SHQ1: variants seen among roughly 807,000 people sequenced by gnomAD.
SHQ1 encodes the protein protein SHQ1 homolog.
A neutral mutation model predicts 53.8 loss-of-function variants in SHQ1; 49 were observed. That is an observed-to-expected ratio of 0.91 (90% CI 0.72 to 1.16). The LOEUF is 1.16. Among genes scored for constraint, SHQ1 ranks in the 50% most tolerant of loss-of-function variants. SHQ1 has a pLI of 0.00. For missense variants in SHQ1, 738 were observed against 683.1 expected (o/e 1.08, Z -0.90); for synonymous variants, 243 against 251.0 (o/e 0.97, Z 0.30).
the SHQ1 span, among the ~76,000 whole-genome samples, chr3:72,726,770 G>A: frequency 1.3e-5 from 2 of 152,144 alleles, no homozygotes; most frequent in African/African-American, 4.8e-5. Context: ...GGATGATTGA[G>A]GGCTTTCTCT....
intron 10 of SHQ1, among the ~76,000 whole-genome samples, chr3:72,762,011 T>C (rs1415044008): frequency 6.6e-6 from 1 of 152,094 alleles, no homozygotes; most frequent in African/African-American, 2.4e-5. Flanking sequence ...GGAGACAGGC[T>C]CTAGCTCCAG....
chr3:72,765,555 A>ATT (rs1171352955), intron 10 of SHQ1, among the ~76,000 whole-genome samples: 25 of 71,724 alleles, frequency 3.5e-4, no homozygotes, highest in African/African-American at 1.4e-3. Flanking sequence ...ATATATATAT[A>ATT]TATTTTTTTT....
downstream of SHQ1, among the ~76,000 whole-genome samples, chr3:72,748,329 C>CAAAAAAAAAAAAAAAAAAAAAAA (rs572927520): frequency 4.1e-4 from 24 of 58,790 alleles, 1 homozygote; most frequent in East Asian, 1.3e-3. Flanking sequence ...ATGAGGCATG[C>CAAAAAAAAAAAAAAAAAAAAAAA]AAAAAAAAAA....
chr3:72,755,266 AGATGGATAGATGGATGGATGGATGGATG>A (rs1475164099), intron 10 of SHQ1, among the ~76,000 whole-genome samples: 1 of 150,130 alleles, frequency 6.7e-6, no homozygotes, highest in African/African-American at 2.5e-5. Flanking sequence ...ATGGATGGAT[AGATGGATAGATGGATGGATGGATGGATG>A]GATGGATAGA....
chr3:72,824,055 C>A (rs1201551791), intron 6 of SHQ1, among the ~76,000 whole-genome samples: 1 of 152,162 alleles, frequency 6.6e-6, no homozygotes, highest in Non-Finnish European at 1.5e-5. Context: ...CCGCCCGTTA[C>A]TAATACTCAA....
intron 1 of SHQ1, 108 bp downstream of exon 1, chr3:72,848,090 G>A (rs1369912454): frequency 5.0e-6 from 7 of 1,387,668 alleles, no homozygotes; most frequent in African/African-American, 2.9e-5. Flanking sequence ...GAAACGTCGG[G>A]AAAAGGCATT....
At chr3:72,787,300 T>C (rs1374777575) in intron 10 of SHQ1, among the ~76,000 whole-genome samples, 1 of 152,238 alleles carries the variant, frequency 6.6e-6, no homozygotes, top group African/African-American at 2.4e-5. Flanking sequence ...TCCCCAGAAC[T>C]ACCTACTTAA....
At chr3:72,729,633 T>C in the SHQ1 span, among the ~76,000 whole-genome samples, 1 of 152,342 alleles carries the variant, frequency 6.6e-6, no homozygotes, top group Admixed American at 6.5e-5. Context: ...CATTAAAATC[T>C]TATTACATCT....
intron 8 of SHQ1, among the ~76,000 whole-genome samples, chr3:72,813,142 T>C (rs2106860042): frequency 6.6e-6 from 1 of 152,308 alleles, no homozygotes. Flanking sequence ...TTTCATGTTT[T>C]TGTCAGCTAA....
intron 10 of SHQ1, chr3:72,772,987 G>A: frequency 8.6e-7 from 1 of 1,166,212 alleles, no homozygotes; most frequent in Non-Finnish European, 1.3e-6. Flanking sequence ...AGATGAAGAA[G>A]ATACTCAAAG....
At chr3:72,732,280 G>C in the SHQ1 span, among the ~76,000 whole-genome samples, 1 of 151,006 alleles carries the variant, frequency 6.6e-6, no homozygotes, top group African/African-American at 2.4e-5. Flanking sequence ...CATTGTTTGA[G>C]ACTCAGCACC....
intron 9 of SHQ1, among the ~76,000 whole-genome samples, chr3:72,797,237 G>A (rs956291892): frequency 2.0e-5 from 3 of 152,084 alleles, no homozygotes; most frequent in African/African-American, 7.2e-5. Flanking sequence ...AAGCCTGCAC[G>A]ACTTGAGAGC....
At chr3:72,809,971 A>T (rs1707068190) in intron 9 of SHQ1, 1 of 151,714 alleles carries the variant, frequency 6.6e-6, no homozygotes. Flanking sequence ...AGGAAAAAAA[A>T]AAAAAAAGAA....
chr3:72,760,162 G>A (rs960507842), intron 10 of SHQ1, among the ~76,000 whole-genome samples: 3 of 152,112 alleles, frequency 2.0e-5, no homozygotes, highest in African/African-American at 7.2e-5. Flanking sequence ...CAATGTTTTC[G>A]TGAAATCCTT....
intron 4 of SHQ1, among the ~76,000 whole-genome samples, chr3:72,837,928 T>C (rs1246753394): frequency 6.6e-6 from 1 of 151,464 alleles, no homozygotes; most frequent in African/African-American, 2.4e-5. Context: ...AGGATACATT[T>C]CAATTTTTGG....
the SHQ1 span, among the ~76,000 whole-genome samples, chr3:72,734,488 T>C: frequency 6.6e-6 from 1 of 151,330 alleles, no homozygotes; most frequent in Admixed American, 6.6e-5. Context: ...TTTCCTGACC[T>C]GAAGTGATCC....
the SHQ1 span, among the ~76,000 whole-genome samples, chr3:72,738,106 G>A: frequency 6.6e-6 from 1 of 151,930 alleles, no homozygotes; most frequent in African/African-American, 2.4e-5. Context: ...CCACCCTAAC[G>A]TCCCTCTGCT....
At chr3:72,752,129 A>C (rs1322957003) in intron 10 of SHQ1, among the ~76,000 whole-genome samples, 1 of 152,242 alleles carries the variant, frequency 6.6e-6, no homozygotes, top group Admixed American at 6.5e-5. Flanking sequence ...ATACAACGGA[A>C]TAGCCTACAG....
Position 72,792,964 on chromosome 3 carries a change from A to G in SHQ1, c.1133T>C (p.Leu378Pro), listed in dbSNP as rs577488660. The G allele has an allele frequency of 3.1e-6, 5 of 1,612,150 alleles. No homozygotes were observed. The African/African-American group carries it at 6.7e-5, about 22-fold the overall frequency. ...GTAGTCTGAGATGTAGAGATCATTC[A>G]GTATGTACGCTGGGTCATTTTCCTG... Reference protein sequence around the residue: ...IFQENDPAYILNDLYISDYCV... With the variant: ...IFQENDPAYIPNDLYISDYCV... Residue 378 changes from leucine to proline, a missense_variant, in exon 10 of 11, where the codon CTG becomes CCG. Transcript: ENST00000325599.
Sources: gnomAD v4.1 joint callset for allele counts (sites outside exome capture counted in the v4.1 genomes callset) on GRCh38, gnomAD v4.1.1 for gene constraint, MANE v1.5 for transcripts, NCBI Gene and HGNC (gene_info 2026-07-23, HGNC 2026-07-21) for gene names.